The following ERCC6L2 variants were observed in gnomAD, a reference collection of about 807,000 sequenced individuals.
The protein encoded by ERCC6L2 is ERCC excision repair 6 like 2.
ERCC6L2 carries 77 observed loss-of-function variants against 132.0 expected under a neutral mutation model. The ratio of observed to expected loss-of-function variants is 0.58; its 90% CI spans 0.49 to 0.71. The LOEUF (loss-of-function observed/expected upper bound fraction) is 0.71. Ranked by LOEUF, ERCC6L2 falls within the 30% of genes least tolerant of loss-of-function variation. The pLI is 0.00. For synonymous variants in ERCC6L2, 583 were observed against 632.4 expected (o/e 0.92, Z 1.17); for missense variants, 1,542 against 1,837.6 (o/e 0.84, Z 2.94).
rs186353792 is a variant in ERCC6L2 at position 96,025,691 on chromosome 9, T to C, written c.*1504-13185T>C. The stretch of plus-strand genomic sequence containing the variant: ...TGTTGAAATGCAGTATTAATCATTG[T>C]TGAACTTTTTCATTTTGTTTGCATT... On this transcript the variant is annotated intron_variant and NMD_transcript_variant, in intron 19 of 20. Coordinates refer to the ERCC6L2 transcript ENST00000670016. 358 of 152,348 alleles carry C rather than the reference T, an allele frequency of 2.3e-3. 1 individual carries two copies. Among genetic ancestry groups the C allele is most frequent in the African/African-American group, 8.2e-3 (342 of 41,584 alleles). 9.4% of individuals were successfully genotyped at this position (152,348 alleles called of 1,614,324 possible). A position where few individuals can be genotyped will look rare whatever the true frequency, so the allele number is the denominator to read the frequency against.
At chr9:95,918,972 G>A (rs987241821) in intron 6 of ERCC6L2, among the ~76,000 whole-genome samples, 3 of 152,058 alleles carry the variant, frequency 2.0e-5, no homozygotes, top group East Asian at 3.9e-4. Context: ...GGGTTCAAGC[G>A]ATTATTCTGC....
At chr9:95,947,148 A>G (rs1456318740) in intron 12 of ERCC6L2, among the ~76,000 whole-genome samples, 1 of 152,226 alleles carries the variant, frequency 6.6e-6, no homozygotes. Flanking sequence ...AGATGGGCCA[A>G]AAGCTAGCAG....
chr9:95,897,006 CT>C (rs1396020444), intron 2 of ERCC6L2, among the ~76,000 whole-genome samples: 1 of 151,818 alleles, frequency 6.6e-6, no homozygotes, highest in African/African-American at 2.4e-5. Context: ...GTTAAGTATA[CT>C]TTTTTCTATA....
intron 4 of ERCC6L2, among the ~76,000 whole-genome samples, chr9:95,910,202 A>T (rs781269322): frequency 6.6e-6 from 1 of 152,042 alleles, no homozygotes; most frequent in Admixed American, 6.6e-5. Context: ...AGATATGTTT[A>T]TTTCTCCTTT....
intron 4 of ERCC6L2, among the ~76,000 whole-genome samples, chr9:95,914,649 G>C (rs920264496): frequency 1.8e-4 from 28 of 152,150 alleles, no homozygotes; most frequent in African/African-American, 6.8e-4. Flanking sequence ...ACTGTGCCTG[G>C]CTGAGTTGTA....
chr9:96,006,498 C>T (rs112069143), intron 18 of ERCC6L2, among the ~76,000 whole-genome samples: 3,129 of 152,140 alleles, frequency 0.021, 91 homozygotes, highest in African/African-American at 0.061. Context: ...GCAGTGCGCG[C>T]GCCCTGGCGG....
At chr9:96,004,349 C>T (rs1431712343) in intron 17 of ERCC6L2, among the ~76,000 whole-genome samples, 171 bp from the exon 18 acceptor site, 1 of 152,056 alleles carries the variant, frequency 6.6e-6, no homozygotes, top group Non-Finnish European at 1.5e-5. Flanking sequence ...AATTTTTTCC[C>T]TGTGTCATCT....
chr9:95,963,832 G>A (rs74383406), intron 13 of ERCC6L2, among the ~76,000 whole-genome samples: 3,156 of 152,230 alleles, frequency 0.021, 35 homozygotes, highest in South Asian at 0.051. Flanking sequence ...AGGCCAAGCA[G>A]TATTGGCAGG....
At chr9:95,899,794 T>C (rs985879894) in intron 3 of ERCC6L2, among the ~76,000 whole-genome samples, 23 of 152,170 alleles carry the variant, frequency 1.5e-4, no homozygotes, top group African/African-American at 4.8e-4. Context: ...CCTGTTATCC[T>C]CCCATATACT....
At chr9:96,024,102 G>A (rs1337552689) in intron 19 of ERCC6L2, among the ~76,000 whole-genome samples, 1 of 152,192 alleles carries the variant, frequency 6.6e-6, no homozygotes, top group Non-Finnish European at 1.5e-5. Flanking sequence ...GAAGGGAACC[G>A]AAATGACCAC....
intron 13 of ERCC6L2, among the ~76,000 whole-genome samples, chr9:95,958,742 CAGAG>C (rs1351746198): frequency 3.3e-5 from 5 of 152,062 alleles, no homozygotes; most frequent in Admixed American, 2.0e-4. Flanking sequence ...AACAGACAAA[CAGAG>C]AGCCAAATCA....
At chr9:95,947,880 GA>G (rs150587916) in intron 12 of ERCC6L2, among the ~76,000 whole-genome samples, 3 of 151,082 alleles carry the variant, frequency 2.0e-5, no homozygotes, top group Admixed American at 1.3e-4. Flanking sequence ...CTACTGCTCA[GA>G]AAAAAAAAGA....
chr9:95,880,944 C>A lies in ERCC6L2; in HGVS notation c.122C>A (p.Ser41Tyr). 2 of 1,613,952 alleles carry A rather than the reference C, an allele frequency of 1.2e-6. No individual in the cohort carries two copies. Among genetic ancestry groups the A allele is most frequent in the African/African-American group, 1.3e-5 (1 of 75,024 alleles). The change falls in exon 2 of 19, where the codon TCT (serine) becomes TAT (tyrosine). Residue 41 changes from serine (S) to tyrosine (Y), a missense_variant. Physicochemically the swap from Ser to Tyr is moderately radical, Grantham distance 144 (BLOSUM62 -2). Coordinates refer to ENST00000653738, the MANE Select transcript of ERCC6L2 (RefSeq NM_020207.7). ...NGKLCEASIKSITVDENGKSF... is the reference protein window; with the variant it reads ...NGKLCEASIKYITVDENGKSF... Reference sequence around the variant, plus strand: ...AAACTTTGTGAAGCAAGCATAAAATCTATCACAGTGGATGAAAATGGCAAG... The same window carrying A: ...AAACTTTGTGAAGCAAGCATAAAATATATCACAGTGGATGAAAATGGCAAG...
chr9:95,885,772 T>A (rs966251305), intron 2 of ERCC6L2, among the ~76,000 whole-genome samples: 4 of 152,112 alleles, frequency 2.6e-5, no homozygotes, highest in African/African-American at 4.8e-5. Flanking sequence ...TGGGAACTTG[T>A]TAGGATTGTA....
intron 4 of ERCC6L2, among the ~76,000 whole-genome samples, chr9:95,912,033 C>CCA (rs1258975161): frequency 2.6e-5 from 4 of 152,088 alleles, no homozygotes; most frequent in Admixed American, 2.6e-4. Flanking sequence ...ATGACCTGGC[C>CCA]CATCTACTTT....
intron 4 of ERCC6L2, among the ~76,000 whole-genome samples, chr9:95,915,114 C>T (rs905111267): frequency 2.0e-5 from 3 of 152,090 alleles, no homozygotes; most frequent in South Asian, 4.1e-4. Context: ...CTGTGCTTTT[C>T]GGCTGTTCAG....
intron 2 of ERCC6L2, among the ~76,000 whole-genome samples, chr9:95,896,876 T>C (rs1416197214): frequency 6.6e-6 from 1 of 152,220 alleles, no homozygotes; most frequent in Non-Finnish European, 1.5e-5. Context: ...AAGAAGATCT[T>C]GAATCTGTGG....
chr9:95,975,471 C>CTT (rs572855007), intron 16 of ERCC6L2, among the ~76,000 whole-genome samples: 1,358 of 111,228 alleles, frequency 0.012, 64 homozygotes, highest in African/African-American at 0.04. Flanking sequence ...ATTATATGTT[C>CTT]TTTTTTTTTT....
At chr9:95,976,102 C>T (rs1832658979) in intron 16 of ERCC6L2, among the ~76,000 whole-genome samples, 2 of 152,050 alleles carry the variant, frequency 1.3e-5, no homozygotes, top group African/African-American at 4.8e-5. Context: ...ATTATTTCCC[C>T]TGAATTTTAC....
Sources: allele counts gnomAD v4.1 joint callset (sites outside exome capture counted in the v4.1 genomes callset), GRCh38; gene constraint gnomAD v4.1.1; transcripts MANE v1.5; gene names NCBI Gene and HGNC (gene_info 2026-07-23, HGNC 2026-07-21).